The following DNAH6 variants were observed in gnomAD, a reference collection of about 807,000 sequenced individuals.
The protein encoded by DNAH6 is axonemal beta dynein heavy chain 6.
In DNAH6, 340 loss-of-function variants were observed where a neutral mutation model predicts 491.4. The ratio of observed to expected loss-of-function variants is 0.69; its 90% CI spans 0.63 to 0.76. The LOEUF (loss-of-function observed/expected upper bound fraction) is 0.76. DNAH6 is among the 30% of genes least tolerant of loss of function. The probability of loss-of-function intolerance (pLI) is 0.00; values close to 1 mark genes in which losing one functional copy is unlikely to be tolerated. For synonymous variants in DNAH6, 1,603 were observed against 1,686.1 expected, an observed-to-expected ratio of 0.95 and a Z score of 1.21; for missense variants, 4,443 against 4,972.2, an observed-to-expected ratio of 0.89 and a Z score of 3.20.
chr2:84,712,021 G>A (rs76873946), intron 56 of DNAH6, among the ~76,000 whole-genome samples: 1 of 152,166 alleles, frequency 6.6e-6, no homozygotes. Context: ...GGGAGAGGGG[G>A]TGGGCCCTTG....
intron 54 of DNAH6, among the ~76,000 whole-genome samples, chr2:84,709,137 T>C (rs1696801552): frequency 6.6e-6 from 1 of 152,242 alleles, no homozygotes; most frequent in Non-Finnish European, 1.5e-5. Flanking sequence ...CAAAGTCACA[T>C]CTAACTAATG....
At chr2:84,622,955 C>T (rs1028703403) in intron 26 of DNAH6, among the ~76,000 whole-genome samples, 1 of 151,908 alleles carries the variant, frequency 6.6e-6, no homozygotes, top group African/African-American at 2.4e-5. Flanking sequence ...TTCATATATC[C>T]GGTTAGCCCT....
intron 37 of DNAH6, among the ~76,000 whole-genome samples, chr2:84,668,672 C>T (rs1692412580): frequency 6.6e-6 from 1 of 152,094 alleles, no homozygotes; most frequent in South Asian, 2.1e-4. Context: ...TTCTTTCCCA[C>T]CCCATGCCAT....
chr2:84,657,452 C>A (rs1407592708), intron 35 of DNAH6, among the ~76,000 whole-genome samples: 1 of 151,982 alleles, frequency 6.6e-6, no homozygotes, highest in Non-Finnish European at 1.5e-5. Context: ...GTCTTCCTAT[C>A]CATGAATGTG....
chr2:84,570,100 A>G (rs1681623178), intron 11 of DNAH6, among the ~76,000 whole-genome samples: 1 of 151,822 alleles, frequency 6.6e-6, no homozygotes, highest in Non-Finnish European at 1.5e-5. Context: ...TCTTTGCAGT[A>G]CTCTCTTCTT....
intron 21 of DNAH6, among the ~76,000 whole-genome samples, chr2:84,611,434 T>C (rs7590343): frequency 0.072 from 10,941 of 152,020 alleles, 1,296 homozygotes; most frequent in African/African-American, 0.25. Flanking sequence ...TTTCTCTGGA[T>C]CCATTCTGGT....
At chr2:84,701,722 A>C (rs1415177902) in intron 49 of DNAH6, among the ~76,000 whole-genome samples, 1 of 152,122 alleles carries the variant, frequency 6.6e-6, no homozygotes, top group East Asian at 1.9e-4. Context: ...TGATGACAGC[A>C]CCAAAGGGAG....
chr2:84,683,745 G>T (rs1210678777), intron 42 of DNAH6, among the ~76,000 whole-genome samples: 1 of 152,056 alleles, frequency 6.6e-6, no homozygotes, highest in East Asian at 1.9e-4. Context: ...TCTCTAAAAA[G>T]ATTCTAACTA....
At chr2:84,617,853 A>G (rs116366383) in intron 23 of DNAH6, among the ~76,000 whole-genome samples, 27 of 152,252 alleles carry the variant, frequency 1.8e-4, no homozygotes, top group Non-Finnish European at 3.4e-4. Context: ...TCTCGTGGGC[A>G]TAGCGAGCAC....
chr2:84,748,338 G>A (rs1337280926), intron 63 of DNAH6, among the ~76,000 whole-genome samples: 2 of 152,116 alleles, frequency 1.3e-5, no homozygotes, highest in African/African-American at 4.8e-5. Context: ...ATTGTAGGCT[G>A]TTAGAAGGAG....
chr2:84,470,513 C>A, the DNAH6 span, among the ~76,000 whole-genome samples: 1 of 152,288 alleles, frequency 6.6e-6, no homozygotes, highest in Non-Finnish European at 1.5e-5. Flanking sequence ...GTCCTGACAT[C>A]ACCATGGCAT....
At position 84,604,708 on chromosome 2, in the gene DNAH6, T is replaced by G. The variant is rs12620723; in HGVS notation, c.3081+157T>G. ...TGTTTCCTTACAACAGATATTACTGTTATCACCTCTAAAAATCTCCTCCTT... is the reference window on the plus strand; with the variant it reads ...TGTTTCCTTACAACAGATATTACTGGTATCACCTCTAAAAATCTCCTCCTT... On this transcript the variant is annotated intron_variant, in intron 19 of 76. Coordinates refer to ENST00000389394, the MANE Select transcript of DNAH6 (RefSeq NM_001370.2). Among the ~76,000 whole-genome samples the G allele has an allele frequency of 1.6e-3, 244 of 152,280 alleles. 3 individuals are homozygous for G. In the East Asian group the frequency reaches 0.024, roughly 15 times the overall value.
chr2:84,681,494 C>T lies in DNAH6; in HGVS notation c.6882C>T (p.Val2294=). 3 of 1,550,052 alleles carry T rather than the reference C, an allele frequency of 1.9e-6. No homozygotes were observed. Among genetic ancestry groups the T allele is most frequent in the African/African-American group, 1.4e-5 (1 of 73,040 alleles). The part of the protein sequence containing the change: ...LLPTPAKSHY[V]FNLRDLSKCV... ...CAACACCCGCCAAGTCCCATTATGT[C>T]TTTAACTTGAGGGACTTATCCAAAT... The change falls in exon 42 of 77, where the codon GTC becomes GTT. Residue 2294 remains valine (V), a synonymous_variant. Transcript: ENST00000389394.
At chr2:84,510,977 C>T in the DNAH6 span, among the ~76,000 whole-genome samples, 99 of 152,250 alleles carry the variant, frequency 6.5e-4, no homozygotes, top group African/African-American at 2.0e-3. Context: ...GGTGTCAGTC[C>T]GCCCCTACTT....
At chr2:84,800,338 A>G (rs1325950747) in intron 70 of DNAH6, among the ~76,000 whole-genome samples, 1 of 152,232 alleles carries the variant, frequency 6.6e-6, no homozygotes, top group Non-Finnish European at 1.5e-5. Context: ...GAACTTCAGC[A>G]ATACAAAAAG....
Position 84,802,496 on chromosome 2 carries a change from A to G in DNAH6, c.11482-3169A>G, listed in dbSNP as rs796396898. ...TAATGATAAAGAATTCAATTCAAGA[A>G]GATTTGATGATCCTAAATATATATG... is the stretch of plus-strand genomic sequence containing the variant. On this transcript the variant is annotated intron_variant, in intron 70 of 76. Transcript: ENST00000389394. Among the ~76,000 whole-genome samples, 20 of 152,320 alleles carry G rather than the reference A, an allele frequency of 1.3e-4. No individual in the cohort carries two copies. The South Asian group carries it at 4.1e-3, about 32-fold the overall frequency.
At chr2:84,709,920 A>G (rs1009205357) in intron 55 of DNAH6, among the ~76,000 whole-genome samples, 2 of 152,334 alleles carry the variant, frequency 1.3e-5, no homozygotes, top group Admixed American at 6.5e-5. Flanking sequence ...GGCAAGCCTG[A>G]CTGGAATTTA....
At chr2:84,746,793 G>C (rs1051078277) in intron 63 of DNAH6, among the ~76,000 whole-genome samples, 1 of 152,138 alleles carries the variant, frequency 6.6e-6, no homozygotes, top group African/African-American at 2.4e-5. Context: ...GGCTGTACAA[G>C]CATGACACCA....
chr2:84,519,601 C>T (rs569108200), intron 2 of DNAH6, among the ~76,000 whole-genome samples: 55 of 151,568 alleles, frequency 3.6e-4, no homozygotes, highest in African/African-American at 1.3e-3. Flanking sequence ...TTCCCTTCCC[C>T]TTCTTCTTCC....
Sources: gnomAD v4.1 joint callset for allele counts (sites outside exome capture counted in the v4.1 genomes callset) on GRCh38, gnomAD v4.1.1 for gene constraint, MANE v1.5 for transcripts, NCBI Gene and HGNC (gene_info 2026-07-23, HGNC 2026-07-21) for gene names.